AP2A2: variants seen among roughly 807,000 people sequenced by gnomAD.
The protein encoded by AP2A2 is adaptor related protein complex 2 subunit alpha 2.
In AP2A2, 32 loss-of-function variants were observed where a neutral mutation model predicts 104.2. The ratio of observed to expected loss-of-function variants is 0.31; its 90% CI spans 0.23 to 0.41. The LOEUF is 0.41. AP2A2 is among the 10% of genes least tolerant of loss of function. The pLI, the probability that AP2A2 is intolerant of heterozygous loss-of-function variation, is 1.00. For missense variants in AP2A2, 912 were observed against 1,261.0 expected, an observed-to-expected ratio of 0.72 and a Z score of 4.19; for synonymous variants, 539 against 533.3, an observed-to-expected ratio of 1.01 and a Z score of -0.15.
chr11:987,603 C>T (rs187282316), intron 9 of AP2A2, among the ~76,000 whole-genome samples: 66 of 151,858 alleles, frequency 4.3e-4, no homozygotes, highest in African/African-American at 1.5e-3. Context: ...TGCAGTGAGC[C>T]GAGATCGCGC....
chr11:972,940 C>G (rs977077413), intron 4 of AP2A2, among the ~76,000 whole-genome samples: 1 of 152,268 alleles, frequency 6.6e-6, no homozygotes, highest in African/African-American at 2.4e-5. Context: ...GCCATCCGTT[C>G]CGTCCCTTGT....
intron 6 of AP2A2, 142 bp from the exon 7 acceptor site, chr11:984,503 G>A (rs1280929500): frequency 5.6e-6 from 4 of 719,436 alleles, no homozygotes; most frequent in Non-Finnish European, 9.5e-6. Flanking sequence ...GTACCAAGCA[G>A]TGTCAGACAC....
At chr11:972,565 C>T (rs1361243132) in intron 4 of AP2A2, among the ~76,000 whole-genome samples, 2 of 152,166 alleles carry the variant, frequency 1.3e-5, no homozygotes, top group South Asian at 2.1e-4. Flanking sequence ...GTTGTGGTGG[C>T]GTGCTCCTGT....
chr11:991,863 C>T (rs966523374), intron 10 of AP2A2, among the ~76,000 whole-genome samples: 7 of 152,002 alleles, frequency 4.6e-5, no homozygotes, highest in Non-Finnish European at 5.9e-5. Flanking sequence ...TGGCGCTGTT[C>T]GAAGGGGGCT....
intron 2 of AP2A2, among the ~76,000 whole-genome samples, chr11:967,665 T>C (rs1355730790): frequency 6.6e-6 from 1 of 152,148 alleles, no homozygotes; most frequent in African/African-American, 2.4e-5. Flanking sequence ...CGGCCCTGTT[T>C]CATTTTTATA....
Position 992,640 on chromosome 11 carries a change from C to A in AP2A2, c.1407C>A (p.Ile469=). Residue 469 remains isoleucine, a synonymous_variant, in exon 11 of 22, where the codon ATC becomes ATA. Transcript: ENST00000448903. This position sits in a 1 kb window ranked among gnomAD's most constrained non-coding sequence, Gnocchi z 6.4. ...GGTACCGAGTCATTCAGATCGTCAT[C>A]AACCGGGACGACGTGCAGGGCTACG... is the stretch of plus-strand genomic sequence containing the variant. ...EVWYRVIQIV[I]NRDDVQGYAA... is the part of the protein sequence containing the mutation. 1 of 1,614,000 alleles carries A rather than the reference C, an allele frequency of 6.2e-7. No homozygotes were observed. The highest frequency in any genetic ancestry group is 1.1e-5 in the South Asian group (1 of 91,090).
At chr11:984,374 GAA>G (rs1564809103) in intron 6 of AP2A2, among the ~76,000 whole-genome samples, 2 of 152,158 alleles carry the variant, frequency 1.3e-5, no homozygotes, top group African/African-American at 4.8e-5. Context: ...GTCCACAAAG[GAA>G]AGACTGTAGT....
At chr11:975,939 G>A (rs1855016193) in intron 4 of AP2A2, among the ~76,000 whole-genome samples, 1 of 152,084 alleles carries the variant, frequency 6.6e-6, no homozygotes, top group Non-Finnish European at 1.5e-5. Flanking sequence ...AAGAGGAGGC[G>A]GATCCTCCTC....
chr11:957,542 G>A (rs1854279421), intron 1 of AP2A2, among the ~76,000 whole-genome samples: 1 of 152,236 alleles, frequency 6.6e-6, no homozygotes, highest in African/African-American at 2.4e-5. Context: ...CAGAAAGGCT[G>A]GGGGTGGTTA....
In AP2A2 at chr11:993,989, G is replaced by C; in HGVS notation, c.1782+4G>C. On this transcript the variant is annotated splice_donor_region_variant and intron_variant, in intron 13 of 21. Transcript: ENST00000448903. This position sits in a 1 kb window ranked among gnomAD's most constrained non-coding sequence, Gnocchi z 8.2. ...CGTGGCCAGCACCGACATTCTGGTA[G>C]GAGGCCCCCGCCCTTCGGGCTGGCT... The C allele has an allele frequency of 6.2e-7, 1 of 1,610,210 alleles. No homozygotes were observed.
intron 2 of AP2A2, among the ~76,000 whole-genome samples, chr11:966,206 A>T (rs1342474740): frequency 1.3e-5 from 2 of 152,246 alleles, no homozygotes; most frequent in Admixed American, 6.5e-5. Context: ...TTAATTTGCT[A>T]AATAGGCCAG....
rs578052078 is a variant in AP2A2 at position 992,841 on chromosome 11, T to C, written c.1452+156T>C. Among the ~76,000 whole-genome samples the C allele has an allele frequency of 1.3e-5, 2 of 152,268 alleles. No individual in the cohort carries two copies. Among genetic ancestry groups the C allele is most frequent in the East Asian group, 3.9e-4 (2 of 5,170 alleles). Reference sequence around the variant, plus strand: ...CCTGAGGCTCTAGCTCCTCCACTGTTGGTGCCCCTTGCTGAGTCCCAGTTT... The same window carrying C: ...CCTGAGGCTCTAGCTCCTCCACTGTCGGTGCCCCTTGCTGAGTCCCAGTTT... On this transcript the variant is annotated intron_variant, in intron 11 of 21. Coordinates refer to ENST00000448903, the MANE Select transcript of AP2A2 (RefSeq NM_012305.4). The surrounding 1 kb of genome is among the most constrained non-coding windows in gnomAD (Gnocchi z 6.4).
At chr11:976,528 G>A (rs1026401206) in intron 4 of AP2A2, among the ~76,000 whole-genome samples, 1 of 152,122 alleles carries the variant, frequency 6.6e-6, no homozygotes, top group African/African-American at 2.4e-5. Flanking sequence ...GGGGATAAGC[G>A]GAGCATGGAA....
chr11:998,392 G>T (rs1855926019), intron 14 of AP2A2, among the ~76,000 whole-genome samples: 2 of 141,008 alleles, frequency 1.4e-5, no homozygotes, highest in Non-Finnish European at 3.0e-5. Flanking sequence ...ACTTTGTGAT[G>T]CCTCATTTAT....
At chr11:944,801 C>A (rs10902237) in intron 1 of AP2A2, among the ~76,000 whole-genome samples, 69,139 of 148,126 alleles carry the variant, frequency 0.47, 17,153 homozygotes, top group Middle Eastern at 0.64. Context: ...GGGAGGATGA[C>A]TGCTGCACGG....
chr11:929,364 G>A (rs1022188025), intron 1 of AP2A2, among the ~76,000 whole-genome samples: 6 of 152,190 alleles, frequency 3.9e-5, no homozygotes, highest in Admixed American at 3.3e-4. Flanking sequence ...CTTAGCAGCT[G>A]CATGAGTGGA....
At chr11:998,708 C>G (rs1165399207) in intron 14 of AP2A2, among the ~76,000 whole-genome samples, 1 of 152,018 alleles carries the variant, frequency 6.6e-6, no homozygotes, top group African/African-American at 2.4e-5. Flanking sequence ...ACCAAGAGCC[C>G]CTGGTGTATA....
At chr11:935,419 C>T (rs148194296) in intron 1 of AP2A2, among the ~76,000 whole-genome samples, 4,222 of 151,730 alleles carry the variant, frequency 0.028, 199 homozygotes, top group African/African-American at 0.094. Context: ...CCACCCACCT[C>T]GGCCTCTCAA....
Position 1,003,794 on chromosome 11 carries a change from G to T in AP2A2, c.2196G>T (p.Arg732=). 1.2e-6 allele frequency: 2 copies of T among 1,600,878 alleles called. No homozygotes were observed. Among genetic ancestry groups the T allele is most frequent in the African/African-American group, 1.3e-5 (1 of 74,642 alleles). ...LLQIGLKSEF[R]QNLGRMFIFY... is the part of the protein sequence containing the mutation. ...AAATTGGACTTAAGTCTGAATTTCG[G>T]CAGAATTTAGGTATGTGTTTTAATT... The change falls in exon 16 of 22, where the codon CGG becomes CGT. Residue 732 remains arginine, a synonymous_variant. Coordinates refer to ENST00000448903, the MANE Select transcript of AP2A2 (RefSeq NM_012305.4).
Sources: allele counts gnomAD v4.1 joint callset (sites outside exome capture counted in the v4.1 genomes callset), GRCh38; gene constraint gnomAD v4.1.1; non-coding constraint Gnocchi (gnomAD v3.1); transcripts MANE v1.5; gene names NCBI Gene and HGNC (gene_info 2026-07-23, HGNC 2026-07-21).